Variants in SH3RF2 observed in about 807,000 individuals in gnomAD.
SH3RF2 encodes SH3 domain containing ring finger 2.
Under a neutral mutation model 59.0 loss-of-function variants are expected in SH3RF2, and 43 were observed. The ratio of observed to expected loss-of-function variants is 0.73; its 90% CI spans 0.57 to 0.94. SH3RF2 has a LOEUF of 0.94. Among genes scored for constraint, SH3RF2 ranks in the 40% least tolerant of loss-of-function variants. SH3RF2 has a pLI of 0.00. For missense variants in SH3RF2, 930 were observed against 940.1 expected, an observed-to-expected ratio of 0.99 and a Z score of 0.14; for synonymous variants, 391 against 391.5, an observed-to-expected ratio of 1.00 and a Z score of 0.01.
chr5:146,062,843 G>A lies in SH3RF2; in HGVS notation c.*142G>A. The A allele has an allele frequency of 8.3e-7, 1 of 1,204,838 alleles. No homozygotes were observed. The highest frequency in any genetic ancestry group is 1.1e-6 in the Non-Finnish European group (1 of 885,628). 74.6% of individuals were successfully genotyped at this position (1,204,838 alleles called of 1,614,324 possible). On this transcript the variant is annotated 3_prime_UTR_variant, in exon 10 of 10. Coordinates refer to ENST00000359120, the MANE Select transcript of SH3RF2 (RefSeq NM_152550.4). Reference sequence around the variant, plus strand: ...CTATTTCACCTCCAGGAAAGCAAAAGTGGGAGCAGAAATTCCTGCCCTGGG... The same window carrying A: ...CTATTTCACCTCCAGGAAAGCAAAAATGGGAGCAGAAATTCCTGCCCTGGG...
rs1192415663 is a variant in SH3RF2 at position 146,004,096 on chromosome 5, C to A, written c.687C>A (p.Asn229Lys). The change falls in exon 4 of 10, where the codon AAC becomes AAA. Residue 229 changes from asparagine to lysine, a missense_variant. Asn to Lys is a moderately conservative substitution (Grantham distance 94, BLOSUM62 0). Coordinates refer to ENST00000359120, the MANE Select transcript of SH3RF2 (RefSeq NM_152550.4). ...CTGTGATCAGCCGAGTGGATGAGAA[C>A]TGGGCAGAAGGCAAGTTAGGAGATA... Reference protein sequence around the residue: ...IITVISRVDENWAEGKLGDKV... With the variant: ...IITVISRVDEKWAEGKLGDKV... 2.5e-6 allele frequency: 4 copies of A among 1,613,136 alleles called. No homozygotes were observed. In the East Asian group the frequency reaches 8.9e-5, roughly 36 times the overall value.
chr5:146,017,739 T>C (rs1761159540), intron 5 of SH3RF2, among the ~76,000 whole-genome samples: 1 of 152,152 alleles, frequency 6.6e-6, no homozygotes, highest in Non-Finnish European at 1.5e-5. Context: ...CTGCCTTAGT[T>C]TGGGTCCTCA....
At position 146,074,422 on chromosome 5, in the gene SH3RF2, T is replaced by G. The variant is rs980405656; in HGVS notation, c.*34-4038T>G. On this transcript the variant is annotated intron_variant, in intron 9 of 9. Transcript: ENST00000511217. ...AGCGGAGAGGCAAATTACCGCCCTT[T>G]TCTCCACCGCGTTCCCCATCTCTAC... is the stretch of plus-strand genomic sequence containing the variant. Among the ~76,000 whole-genome samples, 3 of 152,054 alleles carry G rather than the reference T, an allele frequency of 2.0e-5. No homozygotes were observed. In the South Asian group the frequency reaches 6.2e-4, roughly 32 times the overall value.
At chr5:146,038,708 G>A (rs1308286987) in intron 5 of SH3RF2, among the ~76,000 whole-genome samples, 1 of 152,192 alleles carries the variant, frequency 6.6e-6, no homozygotes, top group Admixed American at 6.5e-5. Flanking sequence ...TCTTGGATGG[G>A]ACAACTTAAT....
intron 9 of SH3RF2, among the ~76,000 whole-genome samples, chr5:146,077,391 T>A (rs996045650): frequency 6.6e-6 from 1 of 152,234 alleles, no homozygotes; most frequent in African/African-American, 2.4e-5. Flanking sequence ...GGCTCATGGA[T>A]TTTAACTTTT....
At chr5:146,041,737 C>T (rs1185765318) in intron 5 of SH3RF2, among the ~76,000 whole-genome samples, 1 of 152,080 alleles carries the variant, frequency 6.6e-6, no homozygotes, top group African/African-American at 2.4e-5. Context: ...GGAGACCAGC[C>T]TGGGCAACGT....
At chr5:146,056,999 A>G (rs1175062129) in intron 8 of SH3RF2, among the ~76,000 whole-genome samples, 1 of 152,234 alleles carries the variant, frequency 6.6e-6, no homozygotes, top group Non-Finnish European at 1.5e-5. Context: ...TTCTTCTACA[A>G]AAATCAAGAT....
intron 5 of SH3RF2, among the ~76,000 whole-genome samples, chr5:146,037,966 A>G (rs1761999150): frequency 6.6e-6 from 1 of 152,248 alleles, no homozygotes; most frequent in Non-Finnish European, 1.5e-5. Context: ...AAATGCAGGG[A>G]AATGGCATAT....
intron 9 of SH3RF2, among the ~76,000 whole-genome samples, chr5:146,061,344 G>A (rs1215897619): frequency 6.6e-6 from 1 of 152,174 alleles, no homozygotes; most frequent in African/African-American, 2.4e-5. Context: ...TCAGCTCATA[G>A]GGAAAGGTAT....
At chr5:145,978,513 TTAAG>T (rs1759384913) in intron 2 of SH3RF2, among the ~76,000 whole-genome samples, 1 of 152,184 alleles carries the variant, frequency 6.6e-6, no homozygotes, top group Non-Finnish European at 1.5e-5. Context: ...AATGAAATAC[TTAAG>T]TTAGAAAACC....
chr5:145,973,032 C>T lies in SH3RF2; in HGVS notation c.379-27026C>T, dbSNP rs554229036. The stretch of plus-strand genomic sequence containing the variant: ...TTTAAATGCAGTGTAATGAAGCCTA[C>T]GACTGGGGAAAGAAAGGGAAAGACA... On this transcript the variant is annotated intron_variant, in intron 2 of 9. Coordinates refer to ENST00000359120, the MANE Select transcript of SH3RF2 (RefSeq NM_152550.4). 1.1e-4 allele frequency among the ~76,000 whole-genome samples: 17 copies of T among 152,132 alleles called. No individual in the cohort carries two copies. In the East Asian group the frequency reaches 3.3e-3, roughly 29 times the overall value.
chr5:146,062,083 A>G (rs938836851), intron 9 of SH3RF2, among the ~76,000 whole-genome samples: 3 of 152,170 alleles, frequency 2.0e-5, no homozygotes, highest in African/African-American at 7.2e-5. Context: ...GAGGCAAGGT[A>G]AATTTCTTTA....
At position 146,006,321 on chromosome 5, in the gene SH3RF2, T is replaced by C. The variant is rs568899116; in HGVS notation, c.744+2168T>C. The stretch of plus-strand genomic sequence containing the variant: ...CAATGTTCCCAGCTACTCCGGAGGC[T>C]GAGGCAGGAGAATGATTTGAGCCTA... On this transcript the variant is annotated intron_variant, in intron 4 of 9. Transcript: ENST00000359120. Among the ~76,000 whole-genome samples, 13 of 152,150 alleles carry C rather than the reference T, an allele frequency of 8.5e-5. No individual in the cohort carries two copies. In the East Asian group the frequency reaches 2.3e-3, roughly 27 times the overall value.
At chr5:145,977,123 G>A (rs983895236) in intron 2 of SH3RF2, among the ~76,000 whole-genome samples, 1 of 152,254 alleles carries the variant, frequency 6.6e-6, no homozygotes, top group Admixed American at 6.5e-5. Context: ...CAGAGGCCAA[G>A]CAAGGGGAAA....
chr5:146,065,968 T>C (rs1451769410), downstream of SH3RF2, among the ~76,000 whole-genome samples: 2 of 152,332 alleles, frequency 1.3e-5, no homozygotes, highest in Admixed American at 1.3e-4. Context: ...AACATGTTTT[T>C]AATATTTACT....
In SH3RF2 at chr5:146,060,040, C is replaced by T. The variant is rs543563186; in HGVS notation, c.1730C>T (p.Thr577Met). The T allele has an allele frequency of 5.6e-5, 91 of 1,612,490 alleles. No individual in the cohort carries two copies. Among genetic ancestry groups the T allele is most frequent in the East Asian group, 2.9e-4 (13 of 44,778 alleles). The change falls in exon 9 of 10, where the codon ACG becomes ATG. Residue 577 changes from threonine (T) to methionine (M), a missense_variant. Coordinates refer to ENST00000359120, the MANE Select transcript of SH3RF2 (RefSeq NM_152550.4). ...VVEMGSKPAL[T>M]GEPALTCISR... ...GAGATGGGGTCCAAGCCTGCCCTCA[C>T]GGGGGAGCCCGCCCTCACGTGCATC... is the stretch of plus-strand genomic sequence containing the variant.
chr5:146,010,091 A>G (rs2149990520), intron 4 of SH3RF2, among the ~76,000 whole-genome samples: 1 of 147,910 alleles, frequency 6.8e-6, no homozygotes, highest in East Asian at 2.0e-4. Flanking sequence ...AAGTGTTCTC[A>G]TTGTTCAATT....
chr5:146,073,046 C>G (rs1763270426), intron 9 of SH3RF2, among the ~76,000 whole-genome samples: 1 of 152,074 alleles, frequency 6.6e-6, no homozygotes, highest in Admixed American at 6.5e-5. Flanking sequence ...CTTCACAAGC[C>G]CCCCATGAGT....
At chr5:145,970,799 CT>C (rs34920381) in intron 2 of SH3RF2, among the ~76,000 whole-genome samples, 12,910 of 151,882 alleles carry the variant, frequency 0.085, 1,866 homozygotes, top group African/African-American at 0.29. Flanking sequence ...AGCTGTGATA[CT>C]TTTTTTTAAG....
Sources: gnomAD v4.1 joint callset for allele counts (sites outside exome capture counted in the v4.1 genomes callset) on GRCh38, gnomAD v4.1.1 for gene constraint, MANE v1.5 for transcripts, NCBI Gene and HGNC (gene_info 2026-07-23, HGNC 2026-07-21) for gene names.